Variants in MYO15B observed in about 807,000 individuals in gnomAD.
The protein encoded by MYO15B is myosin XVB, also known as myosin XVB pseudogene.
In MYO15B, 207 loss-of-function variants were observed where a neutral mutation model predicts 119.3. The observed-to-expected ratio is 1.73, with a 90% CI of 1.55 to 1.95. The LOEUF (loss-of-function observed/expected upper bound fraction) is 1.95. Ranked by LOEUF, MYO15B falls within the 30% of genes most tolerant of loss-of-function variation. MYO15B has a pLI of 0.00. For synonymous variants in MYO15B, 966 were observed against 498.9 expected, an observed-to-expected ratio of 1.94 and a Z score of -12.48; for missense variants, 2,264 against 1,203.1, an observed-to-expected ratio of 1.88 and a Z score of -13.04.
exon 1 of MYO15B, chr17:75,588,409 G>A: frequency 5.0e-6 from 2 of 398,536 alleles, no homozygotes; most frequent in Non-Finnish European, 4.4e-6. Context: ...CCTCTCCGGA[G>A]GAGAAGAGCT....
At position 75,623,823 on chromosome 17, in the gene MYO15B, G is replaced by A. The variant is rs564283418; in HGVS notation, c.8125G>A (p.Val2709Ile). ...GCTGAGGGATGAGATTTACTGCCAG[G>A]TTATCAAGCAGGTCACGGGACACCC... The change falls in exon 54 of 64, where the codon GTT becomes ATT. Residue 2709 changes from valine to isoleucine, a missense_variant. Transcript: ENST00000645453. 4.3e-5 allele frequency: 30 copies of A among 702,830 alleles called. No individual in the cohort carries two copies. The African/African-American group carries it at 4.4e-4, about 10-fold the overall frequency. 43.5% of individuals were successfully genotyped at this position (702,830 alleles called of 1,614,324 possible).
At chr17:75,625,646 A>G in exon 61 of MYO15B, 3 of 703,060 alleles carry the variant, frequency 4.3e-6, no homozygotes, top group Non-Finnish European at 5.2e-6. Flanking sequence ...CAGGAAGCAC[A>G]GATCAGCTTC....
chr17:75,605,286 A>G (rs2057560667), intron 19 of MYO15B, among the ~76,000 whole-genome samples: 1 of 151,912 alleles, frequency 6.6e-6, no homozygotes, highest in Admixed American at 6.6e-5. Flanking sequence ...AAATACAAAA[A>G]ATTAGCCGGG....
chr17:75,596,467 G>A (rs375347233), exon 13 of MYO15B: 111 of 702,828 alleles, frequency 1.6e-4, no homozygotes, highest in African/African-American at 1.4e-3. Context: ...CAGGCCCTGC[G>A]GGTGAATGGC....
At chr17:75,607,271 C>T in intron 21 of MYO15B, 1 of 319,322 alleles carries the variant, frequency 3.1e-6, no homozygotes, top group Non-Finnish European at 5.7e-6. Context: ...CTACTTGAGT[C>T]TCTATGAAGT....
rs1598679806 is a variant in MYO15B at position 75,589,621 on chromosome 17, G to T, written c.1564G>T (p.Val522Phe). ...TTCCCCTGGTGGCCGCTCCCCGCAG[G>T]TCCCGACAAGCCCAGTCCCCGGCGA... The change falls in exon 1 of 64, where the codon GTC becomes TTC. Residue 522 changes from valine (V) to phenylalanine (F), a missense_variant. By Grantham distance (50) the Val-to-Phe change is conservative. Coordinates refer to ENST00000645453, the Ensembl canonical transcript of MYO15B. The surrounding 1 kb of genome is among the most constrained non-coding windows in gnomAD (Gnocchi z 4.2). 2 of 398,976 alleles carry T rather than the reference G, an allele frequency of 5.0e-6. No individual in the cohort carries two copies. Among genetic ancestry groups the T allele is most frequent in the African/African-American group, 2.1e-5 (1 of 48,754 alleles). The allele number at this position is 398,976 out of a possible 1,614,324, so 24.7% of individuals were successfully genotyped here. A position where few individuals can be genotyped will look rare whatever the true frequency, so the allele number is the denominator to read the frequency against.
chr17:75,604,127 C>G (rs990198712), intron 19 of MYO15B, among the ~76,000 whole-genome samples: 1 of 152,104 alleles, frequency 6.6e-6, no homozygotes, highest in Admixed American at 6.5e-5. Flanking sequence ...AGCCTTGAGT[C>G]AGATCCTGAG....
At chr17:75,588,970 G>A in exon 1 of MYO15B, 1 of 398,174 alleles carries the variant, frequency 2.5e-6, no homozygotes, top group Non-Finnish European at 4.4e-6. Context: ...CCACCAGGTC[G>A]GAAAGGCGGT....
intron 41 of MYO15B, 143 bp from the exon 42 acceptor site, chr17:75,617,667 C>T: frequency 1.7e-6 from 1 of 594,054 alleles, no homozygotes; most frequent in Non-Finnish European, 3.0e-6. Flanking sequence ...GGAGATGGTG[C>T]CATGGAAGGA....
intron 47 of MYO15B, 37 bp downstream of exon 47, chr17:75,620,057 A>G (rs2058613643): frequency 1.5e-6 from 1 of 683,934 alleles, no homozygotes; most frequent in African/African-American, 1.8e-5. Flanking sequence ...CCGGGCAGAC[A>G]GCCCTCACCG....
In MYO15B at chr17:75,624,922, C is replaced by A. The variant is rs2148166681; in HGVS notation, c.8688+6C>A. 1 of 702,110 alleles carries A rather than the reference C, an allele frequency of 1.4e-6. No homozygotes were observed. Among genetic ancestry groups the A allele is most frequent in the East Asian group, 2.7e-5 (1 of 37,272 alleles). 43.5% of individuals were successfully genotyped at this position (702,110 alleles called of 1,614,324 possible). A position where few individuals can be genotyped will look rare whatever the true frequency, so the allele number is the denominator to read the frequency against. ...TCAGCACCCACTACAGCCAGGTCAG[C>A]CTGCCTGCCTCCGAGCTGCTGCTGC... On this transcript the variant is annotated splice_donor_region_variant and intron_variant, in intron 59 of 63. Coordinates refer to ENST00000645453, the Ensembl canonical transcript of MYO15B.
intron 10 of MYO15B, 49 bp downstream of exon 10, chr17:75,594,637 G>A (rs1377733074): frequency 2.9e-6 from 2 of 698,288 alleles, no homozygotes; most frequent in Non-Finnish European, 2.6e-6. Context: ...CTGACCCACA[G>A]GCTGAGTAAG....
rs917853384 is a variant in MYO15B, at chr17:75,588,319, G to A, written c.262G>A (p.Ala88Thr). 1.3e-5 allele frequency: 5 copies of A among 398,324 alleles called. No homozygotes were observed. In the East Asian group the frequency reaches 1.8e-4, roughly 14 times the overall value. The allele number at this position is 398,324 out of a possible 1,614,324, so 24.7% of individuals were successfully genotyped here. A position where few individuals can be genotyped will look rare whatever the true frequency, so the allele number is the denominator to read the frequency against. Residue 88 changes from alanine (A) to threonine (T), a missense_variant, in exon 1 of 64, where the codon GCC becomes ACC. Transcript: ENST00000645453. ...CCCAGGGGCTGGGCTGTCCCCGAAA[G>A]CCCAGGAGAGGCAAAGCAACGCGCA...
exon 49 of MYO15B, chr17:75,620,571 G>A (rs2148099848): frequency 1.4e-6 from 1 of 702,884 alleles, no homozygotes; most frequent in East Asian, 2.7e-5. Context: ...GCAGAGGAGT[G>A]GCTGGCACAA....
At chr17:75,611,689 C>T (rs2058039012) in intron 24 of MYO15B, 31 bp downstream of exon 24, 1 of 702,658 alleles carries the variant, frequency 1.4e-6, no homozygotes, top group African/African-American at 1.7e-5. Context: ...CTTGTTAGGA[C>T]TCCTTCTCCA....
chr17:75,615,874 G>A (rs959331068), exon 36 of MYO15B: 8 of 689,096 alleles, frequency 1.2e-5, no homozygotes, highest in Non-Finnish European at 1.3e-5. Flanking sequence ...TCAGAGGGTG[G>A]CTGCCTGAGG....
At chr17:75,602,945 G>A (rs2147862275) in exon 17 of MYO15B, 1 of 692,720 alleles carries the variant, frequency 1.4e-6, no homozygotes, top group Middle Eastern at 2.3e-4. Context: ...CGGCTGGGCA[G>A]GTAAGAACAG....
chr17:75,592,292 G>T, exon 7 of MYO15B: 1 of 702,896 alleles, frequency 1.4e-6, no homozygotes, highest in Non-Finnish European at 2.6e-6. Flanking sequence ...CCTCCAGGGT[G>T]GTGTTTCAGG....
intron 20 of MYO15B, 114 bp from the exon 21 acceptor site, chr17:75,605,750 G>A (rs1390615501): frequency 4.6e-6 from 3 of 654,840 alleles, no homozygotes; most frequent in Non-Finnish European, 8.4e-6. Flanking sequence ...GGGCTGGACG[G>A]CAGGGCCAGA....
Sources: gnomAD v4.1 joint callset for allele counts (sites outside exome capture counted in the v4.1 genomes callset) on GRCh38, gnomAD v4.1.1 for gene constraint, Gnocchi (gnomAD v3.1) non-coding constraint, MANE v1.5 for transcripts, NCBI Gene and HGNC (gene_info 2026-07-23, HGNC 2026-07-21) for gene names.